Variants in KCP observed in about 807,000 individuals in gnomAD.
KCP encodes the protein kielin cysteine rich BMP regulator.
A neutral mutation model predicts 212.7 loss-of-function variants in KCP; 194 were observed. The observed-to-expected ratio is 0.91, with a 90% confidence interval of 0.81 to 1.03. The LOEUF (loss-of-function observed/expected upper bound fraction) is 1.03. KCP is among the 50% of genes least tolerant of loss of function. The probability of loss-of-function intolerance (pLI) is 0.00; values close to 1 mark genes in which losing one functional copy is unlikely to be tolerated. For missense variants in KCP, 2,080 were observed against 2,162.5 expected (o/e 0.96, Z 0.76); for synonymous variants, 833 against 865.3 (o/e 0.96, Z 0.65).
chr7:128,877,051 T>A lies in KCP; in HGVS notation c.4879A>T (p.Thr1627Ser). Residue 1627 changes from threonine (T) to serine (S), a missense_variant, in exon 40 of 40, where the codon ACA becomes TCA. Coordinates refer to ENST00000610776, the MANE Select transcript of KCP (RefSeq NM_001366122.1). Reference sequence around the variant, plus strand: ...TCAGGCACTGTCCTGGCTCAGGGTGTCTCCTGGGGCTCCCGGCTGGGGCTG... The same window carrying A: ...TCAGGCACTGTCCTGGCTCAGGGTGACTCCTGGGGCTCCCGGCTGGGGCTG... ...RPSPSREPQE[T>S]P is the part of the protein sequence containing the mutation. The A allele has an allele frequency of 6.5e-7, 1 of 1,530,010 alleles. No individual in the cohort carries two copies. The highest frequency in any genetic ancestry group is 1.2e-5 in the South Asian group (1 of 80,620). The allele number at this position is 1,530,010 out of a possible 1,614,324, so 94.8% of individuals were successfully genotyped here.
intron 26 of KCP, 88 bp downstream of exon 26, chr7:128,886,376 G>A: frequency 8.9e-7 from 1 of 1,121,998 alleles, no homozygotes; most frequent in Non-Finnish European, 1.3e-6. Flanking sequence ...GGTGGGAGAA[G>A]AGCTGGCTGA....
At chr7:128,908,822 A>G (rs1795288227) in intron 1 of KCP, among the ~76,000 whole-genome samples, 2 of 152,172 alleles carry the variant, frequency 1.3e-5, no homozygotes, top group Admixed American at 1.3e-4. Flanking sequence ...GGAGAACATG[A>G]GCAGCCCCCA....
Position 128,877,481 on chromosome 7 carries a change from C to T in KCP, c.4618+3G>A. ...CAACCTGCAGCGGGCATCACCCCCT[C>T]ACCACACAGCGTGGGGCCTCGCCAG... On this transcript the variant is annotated splice_donor_region_variant and intron_variant, in intron 39 of 39. Transcript: ENST00000610776. The T allele has an allele frequency of 6.4e-7, 1 of 1,550,922 alleles. No individual in the cohort carries two copies. Among genetic ancestry groups the T allele is most frequent in the Non-Finnish European group, 8.7e-7 (1 of 1,146,856 alleles).
intron 29 of KCP, among the ~76,000 whole-genome samples, chr7:128,882,865 A>G (rs1360653854): frequency 1.3e-5 from 2 of 152,180 alleles, no homozygotes; most frequent in Non-Finnish European, 2.9e-5. Flanking sequence ...TGAGGTCAGG[A>G]GTTCGAGACC....
At chr7:128,884,972 T>C in intron 27 of KCP, 109 bp from the exon 28 acceptor site, 2 of 1,484,060 alleles carry the variant, frequency 1.3e-6, no homozygotes, top group African/African-American at 1.4e-5. Flanking sequence ...GGGAGTGGAG[T>C]GTGCACAAGG....
chr7:128,886,488 C>G lies in KCP; in HGVS notation c.2842G>C (p.Gly948Arg). 2 of 1,550,210 alleles carry G rather than the reference C, an allele frequency of 1.3e-6. No homozygotes were observed. The highest frequency in any genetic ancestry group is 8.7e-7 in the Non-Finnish European group (1 of 1,146,350). The change falls in exon 26 of 40, where the codon GGG becomes CGG. Residue 948 changes from glycine (G) to arginine (R), a missense_variant. Gly to Arg is a moderately radical substitution (Grantham distance 125). Coordinates refer to ENST00000610776, the MANE Select transcript of KCP (RefSeq NM_001366122.1). Reference sequence around the variant, plus strand: ...CCTCTGCAGCGAGGGCAGCAGCTCCCCCGCTCGGTGACCTGGAGCTTGCAG... The same window carrying G: ...CCTCTGCAGCGAGGGCAGCAGCTCCGCCGCTCGGTGACCTGGAGCTTGCAG... ...LPCKLQVTER[G>R]SCCPRCRGCL...
chr7:128,899,142 G>T (rs1399902366), intron 8 of KCP, among the ~76,000 whole-genome samples: 1 of 151,976 alleles, frequency 6.6e-6, no homozygotes, highest in East Asian at 1.9e-4. Flanking sequence ...TTGTATAAAT[G>T]TGTTACTGGT....
chr7:128,886,902 C>G lies in KCP; in HGVS notation c.2663G>C (p.Gly888Ala), dbSNP rs1337492591. 1 of 1,529,270 alleles carries G rather than the reference C, an allele frequency of 6.5e-7. No homozygotes were observed. The highest frequency in any genetic ancestry group is 2.5e-5 in the East Asian group (1 of 40,766). The allele number at this position is 1,529,270 out of a possible 1,614,324, so 94.7% of individuals were successfully genotyped here. ...GTGGCAAACAGGGCAGAAGCAGGGG[C>G]CTGGAGAGGGGTGGGGGCAGAGAGC... ...PPALCPHPSP[G>A]PCFCPVCHSC... The change falls in exon 24 of 40, where the codon GGC (glycine) becomes GCC (alanine). Residue 888 changes from glycine to alanine, a missense_variant. Gly to Ala is a moderately conservative substitution (Grantham distance 60). Transcript: ENST00000610776.
chr7:128,878,419 C>A (rs371371661), intron 38 of KCP, 139 bp downstream of exon 38: 2 of 950,952 alleles, frequency 2.1e-6, no homozygotes, highest in African/African-American at 1.7e-5. Flanking sequence ...AAGAAGCCCC[C>A]ACACCTCCCT....
Position 128,885,181 on chromosome 7 carries a change from C to T in KCP, c.2956G>A (p.Val986Ile), listed in dbSNP as rs980817826. 34 of 1,550,726 alleles carry T rather than the reference C, an allele frequency of 2.2e-5. No individual in the cohort carries two copies. The Admixed American group carries it at 2.5e-4, about 12-fold the overall frequency. Residue 986 changes from valine to isoleucine, a missense_variant, in exon 27 of 40, where the codon GTC (valine) becomes ATC (isoleucine). Transcript: ENST00000610776. ...CACTGGATGCGTGCACAGGTGACGA[C>T]GCCCTCGTGACACACACAGGAGGAG... ...ACSSCVCHEG[V>I]VTCARIQCIS...
Position 128,884,104 on chromosome 7 carries a change from G to T in KCP, c.3142C>A (p.Pro1048Thr). 1 of 1,545,224 alleles carries T rather than the reference G, an allele frequency of 6.5e-7. No homozygotes were observed. The highest frequency in any genetic ancestry group is 1.4e-5 in the African/African-American group (1 of 72,854). ...TGCCGCCGGTGACAGCGAAGGCTGG[G>T]AGGCCCCTCAGGCTGTGGCTACAAG... ...CICEPQPEGPPSLRCHRRQCP... is the reference protein window; with the variant it reads ...CICEPQPEGPTSLRCHRRQCP... The change falls in exon 29 of 40, where the codon CCC (proline) becomes ACC (threonine). Residue 1048 changes from proline (P) to threonine (T), a missense_variant. By Grantham distance (38) the Pro-to-Thr change is conservative. Transcript: ENST00000610776.
At position 128,877,327 on chromosome 7, in the gene KCP, G is replaced by T; in HGVS notation, c.4619-16C>A. The T allele has an allele frequency of 6.5e-7, 1 of 1,527,526 alleles. No homozygotes were observed. Among genetic ancestry groups the T allele is most frequent in the Non-Finnish European group, 8.8e-7 (1 of 1,139,350 alleles). The allele number at this position is 1,527,526 out of a possible 1,614,324, so 94.6% of individuals were successfully genotyped here. A position where few individuals can be genotyped will look rare whatever the true frequency, so the allele number is the denominator to read the frequency against. On this transcript the variant is annotated splice_polypyrimidine_tract_variant and intron_variant, in intron 39 of 39. Transcript: ENST00000610776. ...CAGCCTACCACTGCAGGGGGAGTGG[G>T]AGGCGGGGTTACCAAGGCACCTGAA...
At chr7:128,909,625 A>C (rs1355849426) in intron 1 of KCP, among the ~76,000 whole-genome samples, 1 of 152,056 alleles carries the variant, frequency 6.6e-6, no homozygotes, top group Non-Finnish European at 1.5e-5. Context: ...TCCATTCAGA[A>C]GGCTGAAGAC....
rs1195556501 is a variant in KCP, at chr7:128,903,831, C to T, written c.655-11G>A. ...GCGAACTCGGCTCCTCTGTAATGCACCAGTGGCTGTGAGGCTTCAGGTCTG... is the reference window on the plus strand; with the variant it reads ...GCGAACTCGGCTCCTCTGTAATGCATCAGTGGCTGTGAGGCTTCAGGTCTG... On this transcript the variant is annotated splice_polypyrimidine_tract_variant and intron_variant, in intron 6 of 39. Transcript: ENST00000610776. 6.5e-7 allele frequency: 1 copy of T among 1,540,980 alleles called. No homozygotes were observed. The highest frequency in any genetic ancestry group is 8.8e-7 in the Non-Finnish European group (1 of 1,139,710).
chr7:128,882,603 C>T (rs2128944830), intron 29 of KCP, among the ~76,000 whole-genome samples: 1 of 152,342 alleles, frequency 6.6e-6, no homozygotes, highest in Admixed American at 6.5e-5. Flanking sequence ...TTCTTCCCTT[C>T]CCCTGAAGCA....
rs568886466 is a variant in KCP, at chr7:128,879,539, C to T, written c.4129G>A (p.Ala1377Thr). 262 of 1,549,970 alleles carry T rather than the reference C, an allele frequency of 1.7e-4. 1 individual carries two copies. The South Asian group carries it at 2.7e-3, about 16-fold the overall frequency. Residue 1377 changes from alanine to threonine, a missense_variant, in exon 37 of 40, where the codon GCC becomes ACC. Coordinates refer to ENST00000610776, the MANE Select transcript of KCP (RefSeq NM_001366122.1). ...ELRGHTVILH[A>T]QPGLQVLWDG... ...AGCCGCACCTGGAGCCCGGGCTGGG[C>T]GTGCAGGATCACAGTGTGTCCTCGC...
At chr7:128,908,337 G>T in intron 2 of KCP, 89 bp downstream of exon 2, 1 of 1,237,294 alleles carries the variant, frequency 8.1e-7, no homozygotes, top group Non-Finnish European at 1.1e-6. Context: ...TCTATTTTAG[G>T]CTCCCCCCTC....
rs1190878931 is a variant in KCP at position 128,884,803 on chromosome 7, G to A, written c.3101C>T (p.Pro1034Leu). 10 of 1,550,948 alleles carry A rather than the reference G, an allele frequency of 6.4e-6. No homozygotes were observed. The highest frequency in any genetic ancestry group is 8.7e-6 in the Non-Finnish European group (10 of 1,146,976). Residue 1034 changes from proline (P) to leucine (L), a missense_variant, in exon 28 of 40, where the codon CCC becomes CTC. Physicochemically the swap from Pro to Leu is moderately conservative, Grantham distance 98. Coordinates refer to ENST00000610776, the MANE Select transcript of KCP (RefSeq NM_001366122.1). ...PGESFQPGAD[P>L]CEVCICEPQP... is the part of the protein sequence containing the mutation. ...TACCTCGCAGATGCACACTTCACAG[G>A]GGTCTGCCCCAGGCTGGAAGCTCTC...
intron 8 of KCP, among the ~76,000 whole-genome samples, chr7:128,900,943 G>A (rs770586833): frequency 1.4e-4 from 21 of 152,216 alleles, no homozygotes; most frequent in Non-Finnish European, 2.2e-4. Context: ...TAAAAATGAG[G>A]CTGAGACCTA....
Sources: allele counts gnomAD v4.1 joint callset (sites outside exome capture counted in the v4.1 genomes callset), GRCh38; gene constraint gnomAD v4.1.1; transcripts MANE v1.5; gene names NCBI Gene and HGNC (gene_info 2026-07-23, HGNC 2026-07-21).